JARID2: variants seen among roughly 807,000 people sequenced by gnomAD.
JARID2 encodes protein Jumonji.
Under a neutral mutation model 125.6 loss-of-function variants are expected in JARID2, and 21 were observed. That is an observed-to-expected ratio of 0.17 (90% CI 0.12 to 0.24). JARID2 has a LOEUF of 0.24. Ranked by LOEUF, JARID2 falls within the 10% of genes least tolerant of loss-of-function variation. The pLI is 1.00. For missense variants in JARID2, 1,303 were observed against 1,639.6 expected, an observed-to-expected ratio of 0.79 and a Z score of 3.55; for synonymous variants, 736 against 661.6, an observed-to-expected ratio of 1.11 and a Z score of -1.73.
chr6:15,437,542 A>G (rs1385591648), intron 3 of JARID2, among the ~76,000 whole-genome samples: 4 of 152,216 alleles, frequency 2.6e-5, no homozygotes, highest in Non-Finnish European at 5.9e-5. Flanking sequence ...AAAAAATAGA[A>G]GAAACGTATT....
intron 3 of JARID2, among the ~76,000 whole-genome samples, chr6:15,418,001 AAGTTATTG>A (rs2127582478): frequency 6.6e-6 from 1 of 152,112 alleles, no homozygotes; most frequent in African/African-American, 2.4e-5. Flanking sequence ...CCCTCTTTTG[AAGTTATTG>A]AGTCACGGGA....
intron 17 of JARID2, among the ~76,000 whole-genome samples, chr6:15,518,837 C>A (rs968259255): frequency 2.0e-5 from 3 of 152,210 alleles, no homozygotes; most frequent in Admixed American, 2.0e-4. Context: ...GCAAAATCTT[C>A]TCAACCTCCC....
chr6:15,335,387 A>G (rs1383090964), intron 1 of JARID2, among the ~76,000 whole-genome samples: 1 of 152,132 alleles, frequency 6.6e-6, no homozygotes, highest in Non-Finnish European at 1.5e-5. Context: ...GGTGTGAGCC[A>G]CTGCTCCTGG....
At chr6:15,372,357 G>GTTA (rs200030425) in intron 1 of JARID2, among the ~76,000 whole-genome samples, 9 of 152,066 alleles carry the variant, frequency 5.9e-5, no homozygotes, top group South Asian at 2.1e-4. Context: ...GGATATTAAT[G>GTTA]TTATTATTAT....
chr6:15,507,818 G>A (rs1003382687), intron 11 of JARID2, among the ~76,000 whole-genome samples: 1 of 152,238 alleles, frequency 6.6e-6, no homozygotes, highest in African/African-American at 2.4e-5. Context: ...GGGTCATGGA[G>A]GTTGTGGTCA....
At chr6:15,272,846 A>C (rs1019771486) in intron 1 of JARID2, among the ~76,000 whole-genome samples, 1 of 152,096 alleles carries the variant, frequency 6.6e-6, no homozygotes. Flanking sequence ...TATACATTTT[A>C]TTTGTTGTTA....
At chr6:15,517,691 G>A (rs1284108977) in intron 17 of JARID2, among the ~76,000 whole-genome samples, 1 of 152,184 alleles carries the variant, frequency 6.6e-6, no homozygotes, top group Non-Finnish European at 1.5e-5. Flanking sequence ...GGACACTGGG[G>A]CAGGACGGGC....
chr6:15,392,748 G>C (rs763081592), intron 2 of JARID2, among the ~76,000 whole-genome samples: 2 of 148,972 alleles, frequency 1.3e-5, no homozygotes, highest in Non-Finnish European at 3.0e-5. Context: ...GTAGTGGTGC[G>C]GTCTTCGCTC....
intron 3 of JARID2, among the ~76,000 whole-genome samples, chr6:15,418,612 G>A (rs900496161): frequency 1.3e-5 from 2 of 152,162 alleles, no homozygotes; most frequent in Non-Finnish European, 1.5e-5. Flanking sequence ...CAGAAGTACC[G>A]ACTCTGTCTC....
chr6:15,261,290 A>G (rs999946336), intron 1 of JARID2, among the ~76,000 whole-genome samples: 1 of 147,112 alleles, frequency 6.8e-6, no homozygotes, highest in Non-Finnish European at 1.5e-5. Context: ...AAGGCCTTGG[A>G]TGGTGTTTTT....
At chr6:15,333,870 T>C (rs1762796863) in intron 1 of JARID2, among the ~76,000 whole-genome samples, 1 of 152,156 alleles carries the variant, frequency 6.6e-6, no homozygotes, top group Non-Finnish European at 1.5e-5. Flanking sequence ...CTAGGGAGTC[T>C]TGGGGCCAGG....
At chr6:15,347,279 A>G (rs1406864024) in intron 1 of JARID2, among the ~76,000 whole-genome samples, 2 of 152,182 alleles carry the variant, frequency 1.3e-5, no homozygotes, top group Admixed American at 6.5e-5. Context: ...AAACCTTTTG[A>G]AAGTATTTAG....
chr6:15,370,407 C>T (rs1313323337), intron 1 of JARID2, among the ~76,000 whole-genome samples: 3 of 147,908 alleles, frequency 2.0e-5, no homozygotes, highest in Non-Finnish European at 3.0e-5. Flanking sequence ...TCTCTGCACA[C>T]GATCACTGCA....
chr6:15,456,417 A>G (rs11962183), intron 4 of JARID2, among the ~76,000 whole-genome samples: 2 of 150,576 alleles, frequency 1.3e-5, no homozygotes, highest in East Asian at 3.8e-4. Context: ...AAACAAATTT[A>G]AAAAAATGCT....
intron 1 of JARID2, among the ~76,000 whole-genome samples, chr6:15,358,765 G>A (rs986195596): frequency 5.9e-5 from 9 of 152,198 alleles, no homozygotes; most frequent in Admixed American, 5.9e-4. Context: ...TCTCTCTACA[G>A]TTAGTTACTA....
At chr6:15,461,263 A>G (rs1401880542) in intron 4 of JARID2, among the ~76,000 whole-genome samples, 2 of 152,218 alleles carry the variant, frequency 1.3e-5, no homozygotes, top group Non-Finnish European at 2.9e-5. Context: ...TAGCGTGGGA[A>G]TAGGAGATTG....
chr6:15,248,878 G>C, intron 1 of JARID2: 3 of 984,656 alleles, frequency 3.0e-6, no homozygotes, highest in Non-Finnish European at 3.6e-6. Flanking sequence ...GGCTGCCGCA[G>C]AGCCGGGCTG....
intron 4 of JARID2, among the ~76,000 whole-genome samples, chr6:15,463,337 G>C (rs1234217310): frequency 6.6e-6 from 1 of 151,886 alleles, no homozygotes; most frequent in Non-Finnish European, 1.5e-5. Flanking sequence ...TCTCTCACTT[G>C]CTAAATAATG....
chr6:15,440,974 T>C (rs1353507012), intron 3 of JARID2, among the ~76,000 whole-genome samples: 1 of 152,216 alleles, frequency 6.6e-6, no homozygotes, highest in East Asian at 1.9e-4. Flanking sequence ...TAATGCCCCA[T>C]ACTTTGAAAA....
Sources: allele counts gnomAD v4.1 joint callset (sites outside exome capture counted in the v4.1 genomes callset), GRCh38; gene constraint gnomAD v4.1.1; transcripts MANE v1.5; gene names NCBI Gene and HGNC (gene_info 2026-07-23, HGNC 2026-07-21).